MYRFL: variants seen among roughly 807,000 people sequenced by gnomAD.
The protein encoded by MYRFL is myelin regulatory factor like.
MYRFL carries 88 observed loss-of-function variants against 109.4 expected under a neutral mutation model. That is an observed-to-expected ratio of 0.80 (90% CI 0.68 to 0.96). MYRFL has a LOEUF of 0.96. MYRFL is among the 40% of genes least tolerant of loss of function. The pLI, the probability that MYRFL is intolerant of heterozygous loss-of-function variation, is 0.00. For missense variants in MYRFL, 957 were observed against 954.9 expected, an observed-to-expected ratio of 1.00 and a Z score of -0.03; for synonymous variants, 324 against 320.9, an observed-to-expected ratio of 1.01 and a Z score of -0.10.
At chr12:69,885,598 TAAAAG>T (rs777990194) in intron 5 of MYRFL, among the ~76,000 whole-genome samples, 2 of 152,118 alleles carry the variant, frequency 1.3e-5, no homozygotes, top group Non-Finnish European at 2.9e-5. Context: ...GTAGAGGAGT[TAAAAG>T]AAAAGGGAAC....
chr12:69,939,414 A>C (rs1432581265), intron 19 of MYRFL, among the ~76,000 whole-genome samples: 2 of 152,100 alleles, frequency 1.3e-5, no homozygotes, highest in Non-Finnish European at 2.9e-5. Flanking sequence ...ACTGGGAGGC[A>C]CCCTCCAGCA....
chr12:69,863,144 C>T (rs1475566114), intron 2 of MYRFL, among the ~76,000 whole-genome samples: 25 of 151,964 alleles, frequency 1.6e-4, no homozygotes, highest in African/African-American at 4.6e-4. Context: ...CTGCTGGATT[C>T]GGTTTGCCAG....
At chr12:69,881,278 G>A (rs764941635) in intron 5 of MYRFL, among the ~76,000 whole-genome samples, 4 of 152,086 alleles carry the variant, frequency 2.6e-5, no homozygotes, top group Non-Finnish European at 4.4e-5. Context: ...CCTCAACCCA[G>A]TTCTATTAGC....
chr12:69,891,611 C>CCTCCTTCCTTTCTT (rs1566002068), intron 7 of MYRFL, among the ~76,000 whole-genome samples: 205 of 107,146 alleles, frequency 1.9e-3, no homozygotes, highest in Admixed American at 3.2e-3. Context: ...CTTTCTCTTT[C>CCTCCTTCCTTTCTT]TTTCTTTCTT....
At chr12:69,844,736 A>G (rs1446526632) in intron 1 of MYRFL, among the ~76,000 whole-genome samples, 1 of 152,182 alleles carries the variant, frequency 6.6e-6, no homozygotes, top group Non-Finnish European at 1.5e-5. Context: ...GACACCTCCT[A>G]GGGCTGTTAG....
At chr12:69,849,633 G>T (rs1195820915) in intron 1 of MYRFL, among the ~76,000 whole-genome samples, 1 of 152,184 alleles carries the variant, frequency 6.6e-6, no homozygotes, top group Non-Finnish European at 1.5e-5. Flanking sequence ...GTTTATGCAG[G>T]GGTAGGGTGA....
rs545648597 is a variant in MYRFL at position 69,891,145 on chromosome 12, C to T, written c.882C>T (p.Tyr294=). Residue 294 remains tyrosine, a synonymous_variant, in exon 7 of 25, where the codon TAC becomes TAT. Coordinates refer to ENST00000552032, the MANE Select transcript of MYRFL (RefSeq NM_182530.3). ...GCCTAAAGCCAATAGAAATGTTTTACTTGAAAGTTTTTGGCACTAAGGTAT... is the reference window on the plus strand; with the variant it reads ...GCCTAAAGCCAATAGAAATGTTTTATTTGAAAGTTTTTGGCACTAAGGTAT... ...EMGLKPIEMF[Y]LKVFGTKVEA... is the part of the protein sequence containing the mutation. The T allele has an allele frequency of 1.8e-4, 274 of 1,517,836 alleles. 1 individual carries two copies. In the South Asian group the frequency reaches 3.4e-3, roughly 19 times the overall value. The allele number at this position is 1,517,836 out of a possible 1,614,324, so 94.0% of individuals were successfully genotyped here. A position where few individuals can be genotyped will look rare whatever the true frequency, so the allele number is the denominator to read the frequency against.
At chr12:69,900,101 A>G (rs1954132116) in intron 10 of MYRFL, among the ~76,000 whole-genome samples, 1 of 152,194 alleles carries the variant, frequency 6.6e-6, no homozygotes, top group Non-Finnish European at 1.5e-5. Flanking sequence ...TTGAAAACCA[A>G]TAGATTATTC....
chr12:69,875,353 C>T (rs1885597009), intron 2 of MYRFL, among the ~76,000 whole-genome samples: 1 of 151,738 alleles, frequency 6.6e-6, no homozygotes, highest in African/African-American at 2.4e-5. Context: ...GTTTTGATTT[C>T]TTTGCTGAGA....
chr12:69,886,366 G>A (rs1191738586), intron 5 of MYRFL, among the ~76,000 whole-genome samples: 3 of 152,138 alleles, frequency 2.0e-5, no homozygotes, highest in Non-Finnish European at 4.4e-5. Flanking sequence ...ACCTCATGGA[G>A]AAGAGTGAGC....
intron 13 of MYRFL, among the ~76,000 whole-genome samples, chr12:69,924,352 C>G (rs1031693202): frequency 4.6e-5 from 7 of 151,852 alleles, no homozygotes; most frequent in Non-Finnish European, 7.4e-5. Context: ...TTTGTTTATT[C>G]TTCATTTTAT....
chr12:69,940,412 A>G (rs1209803282), intron 19 of MYRFL, among the ~76,000 whole-genome samples: 1 of 150,384 alleles, frequency 6.6e-6, no homozygotes, highest in Non-Finnish European at 1.5e-5. Flanking sequence ...ATTCTTAAAG[A>G]AAATAATTTT....
At chr12:69,893,623 A>G (rs948822568) in intron 7 of MYRFL, 141 bp from the exon 8 acceptor site, 3 of 334,126 alleles carry the variant, frequency 9.0e-6, no homozygotes, top group African/African-American at 6.5e-5. Flanking sequence ...CTATTGTCTT[A>G]TGTGTCTTTT....
At chr12:69,834,057 T>C (rs925058137) in intron 1 of MYRFL, among the ~76,000 whole-genome samples, 1 of 152,094 alleles carries the variant, frequency 6.6e-6, no homozygotes, top group Non-Finnish European at 1.5e-5. Context: ...CAGAACACCA[T>C]CACTGTTCTT....
chr12:69,828,542 A>T (rs963569393), intron 1 of MYRFL, among the ~76,000 whole-genome samples: 12 of 152,128 alleles, frequency 7.9e-5, no homozygotes, highest in African/African-American at 2.9e-4. Context: ...ACGTTTGCAA[A>T]GTTTAAGTTA....
chr12:69,937,445 T>A (rs1280827909), intron 19 of MYRFL, among the ~76,000 whole-genome samples: 2 of 152,226 alleles, frequency 1.3e-5, no homozygotes, highest in African/African-American at 4.8e-5. Context: ...TCACTCTATA[T>A]ATTAAATGTG....
chr12:69,897,060 A>T, intron 9 of MYRFL, 96 bp from the exon 10 acceptor site: 6 of 816,240 alleles, frequency 7.4e-6, no homozygotes, highest in Non-Finnish European at 1.2e-5. Flanking sequence ...TCTTCTCGAT[A>T]AGTTCACTAT....
chr12:69,853,229 TC>T (rs1025747141), intron 1 of MYRFL, among the ~76,000 whole-genome samples: 1 of 149,210 alleles, frequency 6.7e-6, no homozygotes, highest in African/African-American at 2.5e-5. Context: ...CCTACCTCCC[TC>T]CCGGACGGGG....
At chr12:69,886,999 A>T in intron 6 of MYRFL, 29 bp downstream of exon 6, 1 of 1,533,938 alleles carries the variant, frequency 6.5e-7, no homozygotes, top group Non-Finnish European at 8.7e-7. Flanking sequence ...CTGGAGAGTG[A>T]GGGGAGAAAG....
Sources: gnomAD v4.1 joint callset for allele counts (sites outside exome capture counted in the v4.1 genomes callset) on GRCh38, gnomAD v4.1.1 for gene constraint, MANE v1.5 for transcripts, NCBI Gene and HGNC (gene_info 2026-07-23, HGNC 2026-07-21) for gene names.